Variants in SLC25A13 observed in about 807,000 individuals in gnomAD.
The protein encoded by SLC25A13 is solute carrier family 25 member 13.
A neutral mutation model predicts 85.5 loss-of-function variants in SLC25A13; 70 were observed. The observed-to-expected ratio is 0.82, with a 90% CI of 0.68 to 1.00. The LOEUF (loss-of-function observed/expected upper bound fraction) is 1.00, where lower values mean the gene tolerates loss of function less well. SLC25A13 is among the 50% of genes least tolerant of loss of function. SLC25A13 has a pLI of 0.00. For missense variants in SLC25A13, 765 were observed against 819.8 expected (o/e 0.93, Z 0.82); for synonymous variants, 259 against 288.7 (o/e 0.90, Z 1.04).
intron 3 of SLC25A13, among the ~76,000 whole-genome samples, chr7:96,275,664 C>T (rs1302434614): frequency 6.6e-6 from 1 of 151,990 alleles, no homozygotes; most frequent in Non-Finnish European, 1.5e-5. Flanking sequence ...CATGTTCTCA[C>T]TCATAGATGG....
At chr7:96,272,426 A>G (rs543639232) in intron 3 of SLC25A13, among the ~76,000 whole-genome samples, 1 of 152,336 alleles carries the variant, frequency 6.6e-6, no homozygotes, top group South Asian at 2.1e-4. Flanking sequence ...TTTTCACTGA[A>G]AAGTCAGAGA....
At chr7:96,206,719 T>C (rs1795475400) in intron 5 of SLC25A13, among the ~76,000 whole-genome samples, 1 of 152,202 alleles carries the variant, frequency 6.6e-6, no homozygotes, top group Admixed American at 6.5e-5. Context: ...TTTACCATTA[T>C]AAGTCAAATT....
In SLC25A13 at chr7:96,213,301, T is replaced by G. The variant is rs1022793063; in HGVS notation, c.329-4324A>C. On this transcript the variant is annotated intron_variant, in intron 4 of 17. Coordinates refer to ENST00000265631, the MANE Select transcript of SLC25A13 (RefSeq NM_014251.3). ...ACCACGTCAGGTTAATATTCTTTTC[T>G]CCTTTTAGGAGGCACAAATAGCTTT... Among the ~76,000 whole-genome samples the G allele has an allele frequency of 7.9e-5, 12 of 152,350 alleles. No individual in the cohort carries two copies. The South Asian group carries it at 1.2e-3, about 16-fold the overall frequency.
chr7:96,144,091 A>G (rs1792678509), intron 14 of SLC25A13, among the ~76,000 whole-genome samples: 1 of 152,166 alleles, frequency 6.6e-6, no homozygotes, highest in Admixed American at 6.5e-5. Context: ...AACACATTAA[A>G]CTACAAAGCA....
At chr7:96,198,120 A>C (rs2116680998) in intron 5 of SLC25A13, among the ~76,000 whole-genome samples, 1 of 152,352 alleles carries the variant, frequency 6.6e-6, no homozygotes, top group East Asian at 1.9e-4. Context: ...GATGACAATA[A>C]GAAATCTGGA....
In SLC25A13 at chr7:96,121,972, G is replaced by C; in HGVS notation, c.1617C>G (p.Thr539=). Residue 539 remains threonine, a synonymous_variant, in exon 16 of 18, where the codon ACC becomes ACG. Transcript: ENST00000265631. ...ATCTCGTCTTGATAACATCAGCAGG[G>C]GTCACTAAAGATGCTGCAGGCATAC... ...IAGMPAASLV[T]PADVIKTRLQ... is the part of the protein sequence containing the mutation. 3 of 1,613,990 alleles carry C rather than the reference G, an allele frequency of 1.9e-6. No homozygotes were observed. In the East Asian group the frequency reaches 6.7e-5, roughly 36 times the overall value.
At chr7:96,203,969 C>T (rs1434045456) in intron 5 of SLC25A13, among the ~76,000 whole-genome samples, 3 of 152,154 alleles carry the variant, frequency 2.0e-5, no homozygotes, top group Non-Finnish European at 2.9e-5. Context: ...AGAGTGGGAA[C>T]GGCATCGTAT....
At chr7:96,305,984 CT>C (rs1799728897) in intron 1 of SLC25A13, among the ~76,000 whole-genome samples, 1 of 152,208 alleles carries the variant, frequency 6.6e-6, no homozygotes, top group Non-Finnish European at 1.5e-5. Flanking sequence ...CTCCTGGGCC[CT>C]ATTCCACAGC....
chr7:96,305,546 G>T (rs1442792556), intron 1 of SLC25A13, among the ~76,000 whole-genome samples: 3 of 152,132 alleles, frequency 2.0e-5, no homozygotes, highest in Admixed American at 6.6e-5. Context: ...TTACATATTA[G>T]CAAGTGTCAA....
At chr7:96,294,436 AT>A (rs532823856) in intron 2 of SLC25A13, among the ~76,000 whole-genome samples, 48 of 152,164 alleles carry the variant, frequency 3.2e-4, no homozygotes, top group African/African-American at 9.6e-4. Context: ...TAATAAAAAA[AT>A]AATAATAACA....
At chr7:96,125,205 C>T (rs1562777428) in intron 15 of SLC25A13, among the ~76,000 whole-genome samples, 1 of 152,282 alleles carries the variant, frequency 6.6e-6, no homozygotes, top group East Asian at 1.9e-4. Context: ...TCTCCTGCCT[C>T]AGCCTCCTGA....
intron 2 of SLC25A13, among the ~76,000 whole-genome samples, chr7:96,290,782 G>T (rs1347513888): frequency 6.6e-6 from 1 of 152,108 alleles, no homozygotes; most frequent in Non-Finnish European, 1.5e-5. Flanking sequence ...CATAAAGCAA[G>T]TCCTGAGTGA....
intron 13 of SLC25A13, among the ~76,000 whole-genome samples, chr7:96,159,699 T>C (rs995269727): frequency 6.6e-6 from 1 of 152,226 alleles, no homozygotes; most frequent in African/African-American, 2.4e-5. Flanking sequence ...AATTTTTTTT[T>C]CTTTTGATTT....
intron 4 of SLC25A13, among the ~76,000 whole-genome samples, chr7:96,216,725 A>C (rs1306114100): frequency 6.6e-6 from 1 of 152,182 alleles, no homozygotes; most frequent in Non-Finnish European, 1.5e-5. Flanking sequence ...GAGGAGAACA[A>C]GAGACAGTGG....
intron 3 of SLC25A13, among the ~76,000 whole-genome samples, chr7:96,262,177 C>T (rs935726514): frequency 1.3e-5 from 2 of 152,106 alleles, no homozygotes; most frequent in Non-Finnish European, 2.9e-5. Context: ...GAAGCAGATT[C>T]TCAAGTAGCT....
intron 12 of SLC25A13, among the ~76,000 whole-genome samples, chr7:96,170,906 C>T (rs1584405390): frequency 6.6e-6 from 1 of 152,306 alleles, no homozygotes; most frequent in African/African-American, 2.4e-5. Flanking sequence ...GAGCCAAGCA[C>T]TGGGCAAATA....
intron 3 of SLC25A13, among the ~76,000 whole-genome samples, chr7:96,249,825 T>C (rs2116862407): frequency 6.7e-6 from 1 of 149,922 alleles, no homozygotes; most frequent in Non-Finnish European, 1.5e-5. Context: ...GCAACATCAA[T>C]ATTTTAATGC....
chr7:96,148,308 C>T (rs556078728), intron 13 of SLC25A13, among the ~76,000 whole-genome samples: 7 of 152,326 alleles, frequency 4.6e-5, no homozygotes, highest in African/African-American at 1.4e-4. Flanking sequence ...TGCTGCTCCC[C>T]GCCCTACTGC....
intron 12 of SLC25A13, 60 bp downstream of exon 12, chr7:96,171,412 G>T: frequency 6.9e-7 from 1 of 1,459,098 alleles, no homozygotes; most frequent in Non-Finnish European, 9.6e-7. Flanking sequence ...AAGAATACCT[G>T]CTAGATTCTT....
Sources: gnomAD v4.1 joint callset for allele counts (sites outside exome capture counted in the v4.1 genomes callset) on GRCh38, gnomAD v4.1.1 for gene constraint, MANE v1.5 for transcripts, NCBI Gene and HGNC (gene_info 2026-07-23, HGNC 2026-07-21) for gene names.